Variants in COL1A2 observed in about 807,000 individuals in gnomAD.
COL1A2 encodes the protein collagen alpha-2(I) chain.
Under a neutral mutation model 174.3 loss-of-function variants are expected in COL1A2, and 49 were observed. The observed-to-expected ratio is 0.28, with a 90% CI of 0.22 to 0.36. COL1A2 has a LOEUF of 0.36. Among genes scored for constraint, COL1A2 ranks in the 10% least tolerant of loss-of-function variants. The pLI, the probability that COL1A2 is intolerant of heterozygous loss-of-function variation, is 1.00. For missense variants in COL1A2, 1,438 were observed against 1,822.7 expected, an observed-to-expected ratio of 0.79 and a Z score of 3.84; for synonymous variants, 655 against 606.6, an observed-to-expected ratio of 1.08 and a Z score of -1.17.
intron 3 of COL1A2, 50 bp downstream of exon 3, chr7:94,398,446 A>T: frequency 1.2e-6 from 1 of 807,848 alleles, no homozygotes; most frequent in Non-Finnish European, 1.9e-6. Context: ...CAGGGATAAC[A>T]TAATTTAACT....
chr7:94,425,672 A>G lies in COL1A2; in HGVS notation c.2835+9A>G, dbSNP rs1247597620. 6.2e-7 allele frequency: 1 copy of G among 1,614,172 alleles called. No individual in the cohort carries two copies. The highest frequency in any genetic ancestry group is 8.5e-7 in the Non-Finnish European group (1 of 1,180,032). ...GTCAACCCGGACACAAGGTCAGTAC[A>G]CTTTTCATCTTTCTCTAATTCAAAA... On this transcript the variant is annotated intron_variant, in intron 43 of 51. Transcript: ENST00000297268.
chr7:94,413,720 G>T lies in COL1A2; in HGVS notation c.1588G>T (p.Ala530Ser), dbSNP rs754489138. Residue 530 changes from alanine to serine, a missense_variant, in exon 27 of 52, where the codon GCT becomes TCT. By Grantham distance (99) the Ala-to-Ser change is moderately conservative. Transcript: ENST00000297268. The part of the protein sequence containing the change: ...GAPGPDGNNG[A>S]QGPPGPQGVQ... ...TCCAGGTCCTGATGGAAACAATGGT[G>T]CTCAGGGACCTCCTGGACCACAGGT... The T allele has an allele frequency of 3.1e-6, 5 of 1,614,190 alleles. No individual in the cohort carries two copies. In the South Asian group the frequency reaches 5.5e-5, roughly 18 times the overall value.
At chr7:94,422,523 G>A in intron 39 of COL1A2, 1 of 174,370 alleles carries the variant, frequency 5.7e-6, no homozygotes, top group Admixed American at 5.5e-5. Context: ...TAGTTGAGAA[G>A]TGTGTGGGAT....
rs34026686 is a variant in COL1A2 at position 94,410,975 on chromosome 7, G to A, written c.1251+33G>A. 303,419 of 1,612,312 alleles carry A rather than the reference G, an allele frequency of 0.19. 30,293 individuals are homozygous for A. Among genetic ancestry groups the A allele is most frequent in the Admixed American group, 0.33 (20,071 of 59,944 alleles). ...GTCTATCACTTACTTCCTAGAAAGG[G>A]GCTTGCTGCTTCTGGTGGTGGGTGT... On this transcript the variant is annotated intron_variant, in intron 22 of 51. Transcript: ENST00000297268.
At position 94,408,701 on chromosome 7, in the gene COL1A2, T is replaced by TTG. The variant is rs1466510362; in HGVS notation, c.739-69_739-68insTG. The TTG allele has an allele frequency of 5.8e-5, 89 of 1,535,878 alleles. No individual in the cohort carries two copies. In the Middle Eastern group the frequency reaches 1.5e-3, roughly 26 times the overall value. On this transcript the variant is annotated intron_variant, in intron 15 of 51. Coordinates refer to ENST00000297268, the MANE Select transcript of COL1A2 (RefSeq NM_000089.4). ...ATGCCACTGTAAGCAACTTCAATCTTCTGCCATTGTTATTGTTTTCTTAAT... is the reference window on the plus strand; with the variant it reads ...ATGCCACTGTAAGCAACTTCAATCTTTGCTGCCATTGTTATTGTTTTCTTAAT...
intron 6 of COL1A2, among the ~76,000 whole-genome samples, chr7:94,403,659 C>A (rs1356717131): frequency 6.6e-6 from 1 of 152,136 alleles, no homozygotes; most frequent in African/African-American, 2.4e-5. Flanking sequence ...CATGTTATTT[C>A]ACTCTAGGCA....
At chr7:94,424,176 C>T (rs1792226949) in intron 40 of COL1A2, 160 bp from the exon 41 acceptor site, 3 of 637,796 alleles carry the variant, frequency 4.7e-6, no homozygotes, top group East Asian at 2.8e-5. Flanking sequence ...GTAAACTCAC[C>T]GTCATCACTA....
intron 40 of COL1A2, 171 bp from the exon 41 acceptor site, chr7:94,424,165 T>C (rs916786823): frequency 1.6e-6 from 1 of 617,988 alleles, no homozygotes; most frequent in African/African-American, 1.8e-5. Context: ...CATGCCAAGA[T>C]GTAAACTCAC....
At chr7:94,407,768 A>T in intron 12 of COL1A2, 79 bp from the exon 13 acceptor site, 1 of 1,337,528 alleles carries the variant, frequency 7.5e-7, no homozygotes, top group East Asian at 2.4e-5. Context: ...TCAAAGTAAA[A>T]AAAATAGAGT....
chr7:94,421,761 A>C, intron 38 of COL1A2, 138 bp from the exon 39 acceptor site: 3 of 668,878 alleles, frequency 4.5e-6, no homozygotes, highest in Non-Finnish European at 8.1e-6. Context: ...ATAATGCCCT[A>C]TATGAAGCTG....
intron 4 of COL1A2, among the ~76,000 whole-genome samples, chr7:94,399,539 TA>T (rs1791645576): frequency 6.6e-6 from 1 of 152,252 alleles, no homozygotes; most frequent in Non-Finnish European, 1.5e-5. Flanking sequence ...GTGGCATTCT[TA>T]AATCTCCCTG....
chr7:94,421,119 A>T, intron 38 of COL1A2, 57 bp downstream of exon 38: 4 of 1,586,782 alleles, frequency 2.5e-6, no homozygotes, highest in Non-Finnish European at 3.5e-6. Flanking sequence ...TATTAAGGAC[A>T]CTTGAAAGTT....
intron 31 of COL1A2, 40 bp from the exon 32 acceptor site, chr7:94,417,684 T>C: frequency 6.7e-7 from 1 of 1,495,878 alleles, no homozygotes; most frequent in Non-Finnish European, 9.1e-7. Flanking sequence ...CATTTTCTTC[T>C]TTCTCCACTA....
At chr7:94,405,384 A>G in intron 10 of COL1A2, 132 bp downstream of exon 10, 1 of 898,234 alleles carries the variant, frequency 1.1e-6, no homozygotes, top group Non-Finnish European at 1.7e-6. Flanking sequence ...CATCTAATAA[A>G]GAAAAAAGCC....
In COL1A2 at chr7:94,395,236, C is replaced by G. The variant is rs777530713; in HGVS notation, c.70+135C>G. Reference sequence around the variant, plus strand: ...GCAGACTCTCAGGCATGTGGGAAAACGCCGGAATTGATAAGAAACATGGAA... The same window carrying G: ...GCAGACTCTCAGGCATGTGGGAAAAGGCCGGAATTGATAAGAAACATGGAA... On this transcript the variant is annotated intron_variant, in intron 1 of 51. Coordinates refer to ENST00000297268, the MANE Select transcript of COL1A2 (RefSeq NM_000089.4). The G allele has an allele frequency of 2.8e-5, 22 of 798,660 alleles. No homozygotes were observed. In the Admixed American group the frequency reaches 3.6e-4, roughly 13 times the overall value. 49.5% of individuals were successfully genotyped at this position (798,660 alleles called of 1,614,324 possible). A position where few individuals can be genotyped will look rare whatever the true frequency, so the allele number is the denominator to read the frequency against.
intron 12 of COL1A2, among the ~76,000 whole-genome samples, chr7:94,406,789 G>A (rs1363426457): frequency 6.6e-6 from 1 of 152,160 alleles, no homozygotes; most frequent in East Asian, 1.9e-4. Context: ...TCTCAGAAGT[G>A]TGTTATCTCT....
chr7:94,409,633 T>C (rs761445698), intron 18 of COL1A2, 25 bp downstream of exon 18: 4 of 1,614,106 alleles, frequency 2.5e-6, no homozygotes, highest in Non-Finnish European at 3.4e-6. Context: ...GTAGCTAAAA[T>C]GTGCTGCTAT....
chr7:94,427,668 A>T lies in COL1A2; in HGVS notation c.3309A>T (p.Val1103=), dbSNP rs1370666746. The change falls in exon 49 of 52, where the codon GTA becomes GTT. Residue 1103 remains valine (V), a synonymous_variant. Transcript: ENST00000297268. The part of the protein sequence containing the change: ...GPPGPPGPPG[V]SGGGYDFGYD... ...CTGGCCCTCCTGGACCTCCAGGTGT[A>T]AGCGGTGGTGGTTATGACTTTGGTT... The T allele has an allele frequency of 1.2e-6, 2 of 1,613,990 alleles. No homozygotes were observed. The highest frequency in any genetic ancestry group is 1.7e-6 in the Non-Finnish European group (2 of 1,180,016).
At chr7:94,403,969 T>C (rs981200498) in intron 6 of COL1A2, among the ~76,000 whole-genome samples, 6 of 152,178 alleles carry the variant, frequency 3.9e-5, no homozygotes, top group African/African-American at 1.4e-4. Flanking sequence ...CAGAAGGCTG[T>C]TTCAATAATG....
Sources: allele counts gnomAD v4.1 joint callset (sites outside exome capture counted in the v4.1 genomes callset), GRCh38; gene constraint gnomAD v4.1.1; transcripts MANE v1.5; gene names NCBI Gene and HGNC (gene_info 2026-07-23, HGNC 2026-07-21).